PGLS: variants seen among roughly 807,000 people sequenced by gnomAD.
The protein encoded by PGLS is 6-phosphogluconolactonase.
A neutral mutation model predicts 23.2 loss-of-function variants in PGLS; 21 were observed. That is an observed-to-expected ratio of 0.91 (90% CI 0.64 to 1.31). PGLS has a LOEUF of 1.31. Ranked by LOEUF, PGLS falls within the 50% of genes most tolerant of loss-of-function variation. The pLI is 0.00. For synonymous variants in PGLS, 179 were observed against 165.4 expected (o/e 1.08, Z -0.63); for missense variants, 410 against 354.0 (o/e 1.16, Z -1.27).
chr19:17,517,628 G>T (rs1952088677), intron 3 of PGLS, 82 bp from the exon 4 acceptor site: 2 of 1,480,238 alleles, frequency 1.4e-6, no homozygotes, highest in African/African-American at 1.4e-5. Context: ...ACAGTGGCTG[G>T]ACCAGGCCTG....
chr19:17,512,223 G>A, intron 1 of PGLS: 1 of 509,076 alleles, frequency 2.0e-6, no homozygotes, highest in Non-Finnish European at 3.5e-6. Flanking sequence ...GTCATGCCGA[G>A]ATGGTCACGC....
chr19:17,511,924 C>A lies in PGLS; in HGVS notation c.252C>A (p.Pro84=). Residue 84 remains proline (P), a synonymous_variant, in exon 1 of 5, where the codon CCC becomes CCA. Transcript: ENST00000252603. ...GCTTCTGCGACGAGCGCCTCGTGCC[C>A]TTCGATCACGCCGAGAGCACGTACG... is the stretch of plus-strand genomic sequence containing the variant. ...TLGFCDERLV[P]FDHAESTYGL... is the part of the protein sequence containing the mutation. The A allele has an allele frequency of 6.5e-7, 1 of 1,548,762 alleles. No homozygotes were observed. The highest frequency in any genetic ancestry group is 8.7e-7 in the Non-Finnish European group (1 of 1,148,736).
chr19:17,518,673 G>A (rs1246013718), intron 4 of PGLS: 1 of 152,104 alleles, frequency 6.6e-6, no homozygotes, highest in Non-Finnish European at 1.5e-5. Flanking sequence ...TGGGATTATA[G>A]GCGCCTGCCA....
chr19:17,517,703 C>A lies in PGLS; in HGVS notation c.499-7C>A. ...TTCTGCCTCCATCCCTGGGCTTCCT[C>A]CCCAAGGAGCGGGAGAAGATTGTGG... is the stretch of plus-strand genomic sequence containing the variant. On this transcript the variant is annotated splice_region_variant and splice_polypyrimidine_tract_variant and intron_variant, in intron 3 of 4. Coordinates refer to ENST00000252603, the MANE Select transcript of PGLS (RefSeq NM_012088.3). The A allele has an allele frequency of 1.2e-6, 2 of 1,613,962 alleles. No individual in the cohort carries two copies. The highest frequency in any genetic ancestry group is 1.7e-6 in the Non-Finnish European group (2 of 1,179,972).
chr19:17,515,061 T>G (rs1207264109), intron 1 of PGLS, among the ~76,000 whole-genome samples: 1 of 152,196 alleles, frequency 6.6e-6, no homozygotes, highest in African/African-American at 2.4e-5. Context: ...AGTGCTGGGA[T>G]TACAGCCGTG....
At position 17,521,210 on chromosome 19, in the gene PGLS, C is replaced by T. The variant is rs931525910; in HGVS notation, c.*129C>T. The T allele has an allele frequency of 9.6e-5, 90 of 939,096 alleles. No individual in the cohort carries two copies. The highest frequency in any genetic ancestry group is 1.2e-4 in the Non-Finnish European group (79 of 645,388). The allele number at this position is 939,096 out of a possible 1,614,324, so 58.2% of individuals were successfully genotyped here. The stretch of plus-strand genomic sequence containing the variant: ...GCTGCTGCTGGAAGCCAACAGCCTC[C>T]GGCCAGCAGCCCTACCCGGGGCTCA... On this transcript the variant is annotated 3_prime_UTR_variant, in exon 5 of 5. Coordinates refer to ENST00000252603, the MANE Select transcript of PGLS (RefSeq NM_012088.3).
In PGLS at chr19:17,517,736, C is replaced by T. The variant is rs2144644824; in HGVS notation, c.525C>T (p.Ile175=). 1.2e-6 allele frequency: 2 copies of T among 1,614,140 alleles called. No homozygotes were observed. The highest frequency in any genetic ancestry group is 1.3e-5 in the African/African-American group (1 of 75,052). Residue 175 remains isoleucine, a synonymous_variant, in exon 4 of 5, where the codon ATC becomes ATT. Transcript: ENST00000252603. ...LQEREKIVAP[I]SDSPKPPPQR... ...AGCGGGAGAAGATTGTGGCTCCCAT[C>T]AGTGACTCCCCGAAGCCACCGCCAC...
At chr19:17,520,820 C>A in intron 4 of PGLS, 124 bp from the exon 5 acceptor site, 1 of 1,067,574 alleles carries the variant, frequency 9.4e-7, no homozygotes, top group Non-Finnish European at 1.3e-6. Flanking sequence ...GACAGCTGAG[C>A]TGGGCATTGT....
rs760234235 is a variant in PGLS, at chr19:17,516,226, C to A, written c.342C>A (p.Asn114Lys). 2 of 1,614,116 alleles carry A rather than the reference C, an allele frequency of 1.2e-6. No individual in the cohort carries two copies. Among genetic ancestry groups the A allele is most frequent in the East Asian group, 4.5e-5 (2 of 44,886 alleles). ...CAGAAAGCCAGGTGATCACCATTAA[C>A]CCCGAGCTGCCTGTGGAGGAGGCGG... ...PIPESQVITI[N>K]PELPVEEAAE... The change falls in exon 2 of 5, where the codon AAC (asparagine) becomes AAA (lysine). Residue 114 changes from asparagine to lysine, a missense_variant. Transcript: ENST00000252603.
chr19:17,517,427 G>A (rs1568433155), intron 3 of PGLS, 38 bp downstream of exon 3: 1 of 1,491,210 alleles, frequency 6.7e-7, no homozygotes, highest in Non-Finnish European at 9.3e-7. Flanking sequence ...CTAGTCCTGA[G>A]CCCAGTCCCT....
intron 4 of PGLS, among the ~76,000 whole-genome samples, chr19:17,519,419 A>G (rs1387586031): frequency 6.6e-6 from 1 of 151,758 alleles, no homozygotes; most frequent in African/African-American, 2.4e-5. Flanking sequence ...TGTTTTTTTG[A>G]GACAGCTTCT....
chr19:17,511,851 C>G lies in PGLS; in HGVS notation c.179C>G (p.Ala60Gly). The part of the protein sequence containing the change: ...LVSMLARELP[A>G]AVAPAGPASL... ...TCGATGCTAGCCCGCGAGCTACCCGCCGCCGTCGCCCCTGCCGGGCCAGCT... is the reference window on the plus strand; with the variant it reads ...TCGATGCTAGCCCGCGAGCTACCCGGCGCCGTCGCCCCTGCCGGGCCAGCT... The change falls in exon 1 of 5, where the codon GCC (alanine) becomes GGC (glycine). Residue 60 changes from alanine to glycine, a missense_variant. Coordinates refer to ENST00000252603, the MANE Select transcript of PGLS (RefSeq NM_012088.3). The G allele has an allele frequency of 6.5e-7, 1 of 1,531,426 alleles. No individual in the cohort carries two copies. The highest frequency in any genetic ancestry group is 1.2e-5 in the South Asian group (1 of 83,242). The allele number at this position is 1,531,426 out of a possible 1,614,324, so 94.9% of individuals were successfully genotyped here. A position where few individuals can be genotyped will look rare whatever the true frequency, so the allele number is the denominator to read the frequency against.
intron 1 of PGLS, among the ~76,000 whole-genome samples, chr19:17,514,989 A>G (rs898758650): frequency 6.6e-6 from 1 of 151,048 alleles, no homozygotes. Context: ...AAGTTTCACT[A>G]TGCTGCCCAG....
At chr19:17,519,352 C>A (rs1599691583) in intron 4 of PGLS, among the ~76,000 whole-genome samples, 1 of 151,790 alleles carries the variant, frequency 6.6e-6, no homozygotes, top group East Asian at 1.9e-4. Context: ...TACTCCTTGA[C>A]CTTGTGAAGA....
At chr19:17,520,214 C>A (rs2075550743) in intron 4 of PGLS, among the ~76,000 whole-genome samples, 1 of 152,022 alleles carries the variant, frequency 6.6e-6, no homozygotes, top group Non-Finnish European at 1.5e-5. Context: ...AGTTCAAGAC[C>A]AGCCTGGCTA....
At chr19:17,517,140 C>A in intron 2 of PGLS, 148 bp from the exon 3 acceptor site, 1 of 643,802 alleles carries the variant, frequency 1.6e-6, no homozygotes, top group South Asian at 1.8e-5. Context: ...ACCTCGGCCT[C>A]CCAAAGTGCT....
Position 17,511,946 on chromosome 19 carries a change from T to C in PGLS, c.274T>C (p.Tyr92His). The C allele has an allele frequency of 6.5e-7, 1 of 1,549,926 alleles. No individual in the cohort carries two copies. Among genetic ancestry groups the C allele is most frequent in the Admixed American group, 1.9e-5 (1 of 51,864 alleles). The change falls in exon 1 of 5, where the codon TAC (tyrosine) becomes CAC (histidine). Residue 92 changes from tyrosine to histidine, a missense_variant. Coordinates refer to ENST00000252603, the MANE Select transcript of PGLS (RefSeq NM_012088.3). ...LVPFDHAESTYGLYRTHLLSR... is the reference protein window; with the variant it reads ...LVPFDHAESTHGLYRTHLLSR... Reference sequence around the variant, plus strand: ...GCCCTTCGATCACGCCGAGAGCACGTACGGCCTCTACCGGGTGAGAGCTAC... The same window carrying C: ...GCCCTTCGATCACGCCGAGAGCACGCACGGCCTCTACCGGGTGAGAGCTAC...
At chr19:17,517,483 T>C (rs765533073) in intron 3 of PGLS, 94 bp downstream of exon 3, 3 of 1,080,470 alleles carry the variant, frequency 2.8e-6, no homozygotes, top group Non-Finnish European at 4.1e-6. Flanking sequence ...GGGTGGGGTG[T>C]CTAGAGCCAG....
Position 17,511,923 on chromosome 19 carries a change from C to A in PGLS, c.251C>A (p.Pro84His). The A allele has an allele frequency of 6.5e-7, 1 of 1,548,338 alleles. No individual in the cohort carries two copies. Among genetic ancestry groups the A allele is most frequent in the Non-Finnish European group, 8.7e-7 (1 of 1,148,518 alleles). ...GGCTTCTGCGACGAGCGCCTCGTGC[C>A]CTTCGATCACGCCGAGAGCACGTAC... ...TLGFCDERLV[P>H]FDHAESTYGL... The change falls in exon 1 of 5, where the codon CCC becomes CAC. Residue 84 changes from proline to histidine, a missense_variant. Coordinates refer to ENST00000252603, the MANE Select transcript of PGLS (RefSeq NM_012088.3).
Sources: gnomAD v4.1 joint callset for allele counts (sites outside exome capture counted in the v4.1 genomes callset) on GRCh38, gnomAD v4.1.1 for gene constraint, MANE v1.5 for transcripts, NCBI Gene and HGNC (gene_info 2026-07-23, HGNC 2026-07-21) for gene names.